The following HSD17B12 variants were observed in gnomAD, a reference collection of about 807,000 sequenced individuals.
The protein encoded by HSD17B12 is hydroxysteroid 17-beta dehydrogenase 12, also known as very-long-chain 3-oxoacyl-CoA reductase.
Under a neutral mutation model 39.3 loss-of-function variants are expected in HSD17B12, and 32 were observed. The observed-to-expected ratio is 0.81, with a 90% CI of 0.61 to 1.09. The LOEUF is 1.09. Among genes scored for constraint, HSD17B12 ranks in the 50% least tolerant of loss-of-function variants. The pLI is 0.00. For synonymous variants in HSD17B12, 150 were observed against 146.7 expected (o/e 1.02, Z -0.16); for missense variants, 342 against 382.9 (o/e 0.89, Z 0.89).
chr11:43,646,828 G>T, the HSD17B12 span, among the ~76,000 whole-genome samples: 101 of 152,264 alleles, frequency 6.6e-4, no homozygotes, highest in African/African-American at 2.4e-3. Context: ...TGATGCTGGT[G>T]TGAAATGTTT....
Position 43,811,051 on chromosome 11 carries a change from A to G in HSD17B12, c.392-4386A>G, listed in dbSNP as rs185743505. Reference sequence around the variant, plus strand: ...GTGCACCCATTCTTAATGAGATTATATTATAATGGGAGTATTTCCATCCTT... The same window carrying G: ...GTGCACCCATTCTTAATGAGATTATGTTATAATGGGAGTATTTCCATCCTT... On this transcript the variant is annotated intron_variant, in intron 4 of 10. Transcript: ENST00000278353. 1.2e-3 allele frequency among the ~76,000 whole-genome samples: 184 copies of G among 152,292 alleles called. 1 individual carries two copies. The highest frequency in any genetic ancestry group is 4.2e-3 in the African/African-American group (176 of 41,576).
chr11:43,802,177 G>C (rs1950978086), intron 4 of HSD17B12, among the ~76,000 whole-genome samples: 3 of 151,782 alleles, frequency 2.0e-5, no homozygotes, highest in Non-Finnish European at 4.4e-5. Flanking sequence ...TAGTAGAGAT[G>C]GGGTTTCACC....
chr11:43,656,669 A>T, the HSD17B12 span, among the ~76,000 whole-genome samples: 1 of 152,158 alleles, frequency 6.6e-6, no homozygotes, highest in African/African-American at 2.4e-5. Context: ...CCCAGTAGTC[A>T]TTCAGGAGCA....
chr11:43,758,898 G>T (rs1950534026), intron 3 of HSD17B12, among the ~76,000 whole-genome samples: 1 of 152,150 alleles, frequency 6.6e-6, no homozygotes, highest in Admixed American at 6.5e-5. Flanking sequence ...TTGGGAAGGG[G>T]CTTAACACTA....
chr11:43,626,444 T>G, the HSD17B12 span, among the ~76,000 whole-genome samples: 1 of 151,890 alleles, frequency 6.6e-6, no homozygotes, highest in African/African-American at 2.4e-5. Flanking sequence ...TGTTACACAT[T>G]CACTTGTTGG....
the HSD17B12 span, among the ~76,000 whole-genome samples, chr11:43,602,857 G>A: frequency 6.6e-6 from 1 of 151,894 alleles, no homozygotes; most frequent in African/African-American, 2.4e-5. Context: ...GTGTCCCCCT[G>A]TCAAGCAGAA....
intron 4 of HSD17B12, among the ~76,000 whole-genome samples, chr11:43,811,173 A>G (rs1404479006): frequency 4.6e-5 from 7 of 152,188 alleles, no homozygotes. Flanking sequence ...ACGTCTCAAA[A>G]TAAAATTGCC....
chr11:43,790,271 G>A (rs936152311), intron 3 of HSD17B12, among the ~76,000 whole-genome samples: 3 of 152,126 alleles, frequency 2.0e-5, no homozygotes, highest in African/African-American at 7.2e-5. Flanking sequence ...GGATGATATG[G>A]TAATGAATCA....
At chr11:43,656,017 G>A in the HSD17B12 span, among the ~76,000 whole-genome samples, 9 of 152,186 alleles carry the variant, frequency 5.9e-5, no homozygotes, top group Non-Finnish European at 1.0e-4. Context: ...AGAATTTGGC[G>A]GTGAATCCAT....
chr11:43,722,976 C>T (rs759852856), intron 1 of HSD17B12, among the ~76,000 whole-genome samples: 5 of 152,182 alleles, frequency 3.3e-5, no homozygotes, highest in Non-Finnish European at 5.9e-5. Flanking sequence ...CGTGAATAGA[C>T]TAGTGGCCAC....
At chr11:43,624,035 C>G in the HSD17B12 span, among the ~76,000 whole-genome samples, 1 of 150,856 alleles carries the variant, frequency 6.6e-6, no homozygotes, top group African/African-American at 2.4e-5. Flanking sequence ...AGAGTTGAAG[C>G]AATTATTCAG....
At chr11:43,582,389 A>G in the HSD17B12 span, among the ~76,000 whole-genome samples, 1 of 152,056 alleles carries the variant, frequency 6.6e-6, no homozygotes, top group Admixed American at 6.5e-5. Context: ...CCCTCCACTC[A>G]TTGCAGTCCT....
At chr11:43,716,553 A>T (rs1950124971) in intron 1 of HSD17B12, among the ~76,000 whole-genome samples, 1 of 151,888 alleles carries the variant, frequency 6.6e-6, no homozygotes, top group African/African-American at 2.4e-5. Flanking sequence ...TCATTTCGCA[A>T]ACCCTTATTG....
In HSD17B12 at chr11:43,838,174, A is replaced by T. The variant is rs540868195; in HGVS notation, c.537-143A>T. 27 of 648,622 alleles carry T rather than the reference A, an allele frequency of 4.2e-5. No homozygotes were observed. The East Asian group carries it at 7.0e-4, about 17-fold the overall frequency. The allele number at this position is 648,622 out of a possible 1,614,324, so 40.2% of individuals were successfully genotyped here. On this transcript the variant is annotated intron_variant, in intron 7 of 10. Transcript: ENST00000278353. ...CATTTACTGACCAAGCATAGCACAT[A>T]CTGATGAAAGGCAGGGAGAGATATG...
chr11:43,630,867 C>A, the HSD17B12 span, among the ~76,000 whole-genome samples: 1 of 149,664 alleles, frequency 6.7e-6, no homozygotes, highest in African/African-American at 2.5e-5. Flanking sequence ...TGCAATGGCA[C>A]AATCTCAGCT....
At chr11:43,570,355 A>T in the HSD17B12 span, 4 of 152,242 alleles carry the variant, frequency 2.6e-5, no homozygotes, top group African/African-American at 9.6e-5. Context: ...GGATGAAATC[A>T]TCTAGATTTT....
Position 43,713,854 on chromosome 11 carries a change from G to A in HSD17B12, c.160+32867G>A, listed in dbSNP as rs571898840. On this transcript the variant is annotated intron_variant, in intron 1 of 10. Transcript: ENST00000278353. ...TGAGATGGTATCTCATTGTGGTTTT[G>A]ATTTGCATTTCTCTGATGGCTTGTG... 9.7e-4 allele frequency among the ~76,000 whole-genome samples: 148 copies of A among 152,302 alleles called. 1 individual carries two copies. The highest frequency in any genetic ancestry group is 1.8e-3 in the Admixed American group (28 of 15,302).
At chr11:43,700,489 C>A (rs557271879) in intron 1 of HSD17B12, among the ~76,000 whole-genome samples, 5 of 152,172 alleles carry the variant, frequency 3.3e-5, no homozygotes, top group Admixed American at 6.5e-5. Context: ...CCCAGCCCCC[C>A]ACTACCCTTC....
At chr11:43,779,750 C>T (rs986356865) in intron 3 of HSD17B12, among the ~76,000 whole-genome samples, 1 of 152,238 alleles carries the variant, frequency 6.6e-6, no homozygotes, top group East Asian at 1.9e-4. Flanking sequence ...CTTTAATGGG[C>T]CAAAATGAGA....
Sources: allele counts gnomAD v4.1 joint callset (sites outside exome capture counted in the v4.1 genomes callset), GRCh38; gene constraint gnomAD v4.1.1; transcripts MANE v1.5; gene names NCBI Gene and HGNC (gene_info 2026-07-23, HGNC 2026-07-21).